COLEC10: variants seen among roughly 807,000 people sequenced by gnomAD.
COLEC10 encodes collectin subfamily member 10, also known as collectin-10.
A neutral mutation model predicts 28.4 loss-of-function variants in COLEC10; 22 were observed. The observed-to-expected ratio is 0.78, with a 90% CI of 0.55 to 1.11. The LOEUF (loss-of-function observed/expected upper bound fraction) is 1.11, where lower values mean the gene tolerates loss of function less well. Among genes scored for constraint, COLEC10 ranks in the 50% least tolerant of loss-of-function variants. The pLI is 0.00. For synonymous variants in COLEC10, 125 were observed against 116.1 expected (o/e 1.08, Z -0.49); for missense variants, 361 against 344.1 (o/e 1.05, Z -0.39).
At chr8:118,999,186 G>A (rs570133131) in intron 1 of COLEC10, among the ~76,000 whole-genome samples, 1 of 152,198 alleles carries the variant, frequency 6.6e-6, no homozygotes, top group South Asian at 2.1e-4. Flanking sequence ...CTAATTACTA[G>A]GAAGAATGGT....
chr8:119,029,092 C>A (rs1280173901), intron 2 of COLEC10, among the ~76,000 whole-genome samples: 2 of 152,118 alleles, frequency 1.3e-5, no homozygotes, highest in African/African-American at 4.8e-5. Flanking sequence ...GTAACAGGGG[C>A]ACCTCACTAG....
chr8:118,952,403 C>T, the COLEC10 span, among the ~76,000 whole-genome samples: 1 of 152,248 alleles, frequency 6.6e-6, no homozygotes, highest in Non-Finnish European at 1.5e-5. Flanking sequence ...TACCCGGCTG[C>T]CTGACCCCTT....
chr8:118,975,146 A>G, the COLEC10 span, among the ~76,000 whole-genome samples: 1 of 152,108 alleles, frequency 6.6e-6, no homozygotes, highest in African/African-American at 2.4e-5. Flanking sequence ...GAGGAGAAAC[A>G]ATAAAACAGA....
At chr8:118,954,819 A>C in the COLEC10 span, among the ~76,000 whole-genome samples, 2 of 152,234 alleles carry the variant, frequency 1.3e-5, no homozygotes, top group Non-Finnish European at 2.9e-5. Flanking sequence ...GAGTTCCTAC[A>C]GGGAAGACAC....
the COLEC10 span, among the ~76,000 whole-genome samples, chr8:118,964,392 C>T: frequency 4.6e-5 from 7 of 152,126 alleles, no homozygotes; most frequent in African/African-American, 1.7e-4. Context: ...TCCAACTTTG[C>T]CCCTCCTTTA....
intron 4 of COLEC10, among the ~76,000 whole-genome samples, chr8:119,103,304 T>C (rs1162161582): frequency 6.6e-6 from 1 of 152,230 alleles, no homozygotes; most frequent in African/African-American, 2.4e-5. Flanking sequence ...CCTTGAAACA[T>C]GCAAGCTGTA....
At chr8:118,956,758 T>A in the COLEC10 span, among the ~76,000 whole-genome samples, 5 of 152,196 alleles carry the variant, frequency 3.3e-5, no homozygotes. Context: ...AAATTATTGA[T>A]GTAACTTGAT....
intron 1 of COLEC10, among the ~76,000 whole-genome samples, chr8:119,075,664 A>G (rs1815214454): frequency 1.3e-5 from 2 of 152,182 alleles, no homozygotes; most frequent in African/African-American, 4.8e-5. Context: ...ACTGACACCT[A>G]TAAGGATCAT....
At chr8:119,084,804 A>G (rs1815438576) in intron 1 of COLEC10, among the ~76,000 whole-genome samples, 1 of 152,256 alleles carries the variant, frequency 6.6e-6, no homozygotes, top group South Asian at 2.1e-4. Flanking sequence ...CAATGTGCTA[A>G]TTGGTAAATC....
intron 2 of COLEC10, among the ~76,000 whole-genome samples, chr8:119,061,713 A>G (rs913186770): frequency 6.6e-6 from 1 of 152,068 alleles, no homozygotes; most frequent in Admixed American, 6.6e-5. Context: ...TCAGGAAACT[A>G]CTAGAAGACA....
chr8:118,966,106 G>A, the COLEC10 span, among the ~76,000 whole-genome samples: 4 of 152,026 alleles, frequency 2.6e-5, no homozygotes, highest in South Asian at 2.1e-4. Flanking sequence ...GGAGATGAAA[G>A]TTTACTGAAA....
chr8:119,101,723 C>A (rs1047222556), intron 3 of COLEC10, among the ~76,000 whole-genome samples: 2 of 152,090 alleles, frequency 1.3e-5, no homozygotes, highest in African/African-American at 2.4e-5. Flanking sequence ...AGCACCCAGC[C>A]TTTTGGTTTT....
intron 2 of COLEC10, among the ~76,000 whole-genome samples, chr8:119,017,353 G>A (rs1438654902): frequency 6.6e-6 from 1 of 152,190 alleles, no homozygotes; most frequent in East Asian, 1.9e-4. Context: ...TTGGTGATCA[G>A]CAATTTAAGC....
At chr8:118,997,167 C>T (rs1813603519) in intron 1 of COLEC10, among the ~76,000 whole-genome samples, 1 of 152,102 alleles carries the variant, frequency 6.6e-6, no homozygotes, top group African/African-American at 2.4e-5. Flanking sequence ...TTTTGTTTTG[C>T]TATTGAATCA....
intron 2 of COLEC10, among the ~76,000 whole-genome samples, chr8:119,043,837 G>A (rs773086116): frequency 9.2e-5 from 14 of 152,128 alleles, no homozygotes; most frequent in Non-Finnish European, 1.8e-4. Context: ...TGCAAATACC[G>A]AGTCCAGGAG....
At chr8:119,053,278 A>C (rs1394185054) in intron 2 of COLEC10, among the ~76,000 whole-genome samples, 1 of 152,098 alleles carries the variant, frequency 6.6e-6, no homozygotes, top group Admixed American at 6.6e-5. Flanking sequence ...CAAGATGCTA[A>C]AAAGAGATGA....
chr8:119,093,055 A>G (rs762900276), intron 3 of COLEC10, among the ~76,000 whole-genome samples: 2 of 152,234 alleles, frequency 1.3e-5, no homozygotes, highest in African/African-American at 2.4e-5. Context: ...CACTAGAGAG[A>G]GATGCAAGAG....
chr8:119,070,181 T>C (rs571916196), intron 1 of COLEC10, among the ~76,000 whole-genome samples: 20 of 152,208 alleles, frequency 1.3e-4, no homozygotes, highest in Non-Finnish European at 2.5e-4. Flanking sequence ...CTTCAGTGTC[T>C]TCATTTGCAA....
At chr8:118,959,219 C>T in the COLEC10 span, among the ~76,000 whole-genome samples, 1 of 151,434 alleles carries the variant, frequency 6.6e-6, no homozygotes, top group Non-Finnish European at 1.5e-5. Flanking sequence ...TAAAGAACAA[C>T]AAAAAAAATA....
Sources: allele counts gnomAD v4.1 joint callset (sites outside exome capture counted in the v4.1 genomes callset), GRCh38; gene constraint gnomAD v4.1.1; transcripts MANE v1.5; gene names NCBI Gene and HGNC (gene_info 2026-07-23, HGNC 2026-07-21).